DPP4: variants seen among roughly 807,000 people sequenced by gnomAD.
DPP4 encodes the protein ADCP-2.
A neutral mutation model predicts 122.4 loss-of-function variants in DPP4; 93 were observed. The observed-to-expected ratio is 0.76, with a 90% CI of 0.64 to 0.90. The LOEUF (loss-of-function observed/expected upper bound fraction) is 0.90, where lower values mean the gene tolerates loss of function less well. Among genes scored for constraint, DPP4 ranks in the 40% least tolerant of loss-of-function variants. The probability of loss-of-function intolerance (pLI) is 0.00; values close to 1 mark genes in which losing one functional copy is unlikely to be tolerated. For synonymous variants in DPP4, 321 were observed against 302.9 expected (o/e 1.06, Z -0.62); for missense variants, 914 against 907.3 (o/e 1.01, Z -0.09).
intron 16 of DPP4, 62 bp downstream of exon 16, chr2:162,018,667 G>A: frequency 1.3e-6 from 2 of 1,573,868 alleles, no homozygotes; most frequent in Non-Finnish European, 1.7e-6. Flanking sequence ...AGGAATAGAG[G>A]GAGCTGCTTC....
chr2:162,053,215 T>C (rs868731497), intron 2 of DPP4, among the ~76,000 whole-genome samples: 8 of 152,114 alleles, frequency 5.3e-5, no homozygotes, highest in Non-Finnish European at 7.4e-5. Context: ...AGGAGATTAG[T>C]ATGGAGAATA....
In DPP4 at chr2:162,045,585, A is replaced by C; in HGVS notation, c.313T>G (p.Tyr105Asp). The stretch of plus-strand genomic sequence containing the variant: ...AACTGCCCATCAGGAGATATTGAAT[A>C]ATCATTGATAGAATGTCCAAACTCA... The part of the protein sequence containing the change: ...FDEFGHSIND[Y>D]SISPDGQFIL... The change falls in exon 5 of 26, where the codon TAT becomes GAT. Residue 105 changes from tyrosine (Y) to aspartate (D), a missense_variant. Physicochemically the swap from Tyr to Asp is radical, Grantham distance 160. Transcript: ENST00000360534. The C allele has an allele frequency of 1.9e-6, 3 of 1,612,894 alleles. No homozygotes were observed. Among genetic ancestry groups the C allele is most frequent in the Non-Finnish European group, 2.5e-6 (3 of 1,179,086 alleles).
intron 17 of DPP4, 56 bp downstream of exon 17, chr2:162,017,052 G>A: frequency 6.4e-7 from 1 of 1,561,768 alleles, no homozygotes; most frequent in Non-Finnish European, 8.8e-7. Context: ...GTACATGTTA[G>A]ACTTATGCAA....
intron 2 of DPP4, among the ~76,000 whole-genome samples, chr2:162,053,205 A>G (rs1000460645): frequency 2.6e-5 from 4 of 152,210 alleles, no homozygotes; most frequent in Admixed American, 2.6e-4. Context: ...AAGTTTAATA[A>G]GGAGATTAGT....
intron 2 of DPP4, 95 bp downstream of exon 2, chr2:162,073,304 A>G (rs1685182173): frequency 2.3e-6 from 3 of 1,300,968 alleles, no homozygotes; most frequent in Admixed American, 3.6e-5. Context: ...CACTGGTCCA[A>G]CCCCACGCAA....
chr2:162,063,506 G>A (rs1390623994), intron 2 of DPP4, among the ~76,000 whole-genome samples: 1 of 152,034 alleles, frequency 6.6e-6, no homozygotes. Flanking sequence ...TACCTAAGGA[G>A]GCTGGGAAAG....
rs1682954511 is a variant in DPP4 at position 162,017,134 on chromosome 2, G to A, written c.1442C>T (p.Thr481Ile). 1 of 1,612,240 alleles carries A rather than the reference G, an allele frequency of 6.2e-7. No homozygotes were observed. The highest frequency in any genetic ancestry group is 8.5e-7 in the Non-Finnish European group (1 of 1,179,816). Reference sequence around the variant, plus strand: ...TTTATCATTCACGCTGCTGTGTAGAGTATAGAGGGGCAGACCAGGACCTGT... The same window carrying A: ...TTTATCATTCACGCTGCTGTGTAGAATATAGAGGGGCAGACCAGGACCTGT... Reference protein sequence around the residue: ...RCSGPGLPLYTLHSSVNDKGL... With the variant: ...RCSGPGLPLYILHSSVNDKGL... Residue 481 changes from threonine (T) to isoleucine (I), a missense_variant, in exon 17 of 26, where the codon ACT becomes ATT. Coordinates refer to ENST00000360534, the MANE Select transcript of DPP4 (RefSeq NM_001935.4).
rs992061835 is a variant in DPP4, at chr2:161,992,293, T to C, written c.*990A>G. ...TATTAAATGACTGGGAGAAATTCCA[T>C]AGTATGTAGAATGGGAATAATAATA... On this transcript the variant is annotated 3_prime_UTR_variant, in exon 26 of 26. Coordinates refer to ENST00000360534, the MANE Select transcript of DPP4 (RefSeq NM_001935.4). 1.3e-5 allele frequency: 2 copies of C among 152,226 alleles called. No individual in the cohort carries two copies. Among genetic ancestry groups the C allele is most frequent in the South Asian group, 2.1e-4 (1 of 4,832 alleles). 9.4% of individuals were successfully genotyped at this position (152,226 alleles called of 1,614,324 possible). A position where few individuals can be genotyped will look rare whatever the true frequency, so the allele number is the denominator to read the frequency against.
intron 25 of DPP4, 89 bp from the exon 26 acceptor site, chr2:161,993,473 G>T: frequency 1.1e-6 from 1 of 906,240 alleles, no homozygotes; most frequent in Non-Finnish European, 1.8e-6. Context: ...GCTCTCACGA[G>T]CATACATGGT....
In DPP4 at chr2:162,041,811, G is replaced by T. The variant is rs533525296; in HGVS notation, c.367-2627C>A. On this transcript the variant is annotated intron_variant, in intron 5 of 25. Coordinates refer to ENST00000360534, the MANE Select transcript of DPP4 (RefSeq NM_001935.4). ...TTATTCTATTTAGTTTATAAACACT[G>T]GCAGCTATCATCTATCAGACATTAC... is the stretch of plus-strand genomic sequence containing the variant. 2.0e-5 allele frequency among the ~76,000 whole-genome samples: 3 copies of T among 152,266 alleles called. No individual in the cohort carries two copies. The South Asian group carries it at 6.2e-4, about 32-fold the overall frequency.
intron 19 of DPP4, 93 bp from the exon 20 acceptor site, chr2:162,012,080 C>A: frequency 7.7e-7 from 1 of 1,291,440 alleles, no homozygotes; most frequent in South Asian, 1.4e-5. Context: ...AGTATGCATC[C>A]TTCCCAATCA....
chr2:162,052,520 T>C (rs1339205417), intron 2 of DPP4, among the ~76,000 whole-genome samples: 2 of 152,072 alleles, frequency 1.3e-5, no homozygotes, highest in African/African-American at 4.8e-5. Context: ...GAGAAATACA[T>C]TTCTGTTCTT....
chr2:162,029,362 C>T (rs1431467270), intron 10 of DPP4, among the ~76,000 whole-genome samples: 1 of 152,202 alleles, frequency 6.6e-6, no homozygotes, highest in Non-Finnish European at 1.5e-5. Flanking sequence ...TTCAGTGAAT[C>T]ACCCGAGGAA....
chr2:162,011,926 G>C lies in DPP4; in HGVS notation c.1699C>G (p.Leu567Val), dbSNP rs762689872. 2 of 1,613,746 alleles carry C rather than the reference G, an allele frequency of 1.2e-6. No individual in the cohort carries two copies. Among genetic ancestry groups the C allele is most frequent in the South Asian group, 1.1e-5 (1 of 91,060 alleles). The stretch of plus-strand genomic sequence containing the variant: ...ACTATAATGTTTTCTGTGCTTGCAA[G>C]GTAAGTGGCCCAGTTCAGTCTGAAG... ...TVFRLNWATY[L>V]ASTENIIVAS... Residue 567 changes from leucine (L) to valine (V), a missense_variant, in exon 20 of 26, where the codon CTT becomes GTT. By Grantham distance (32) the Leu-to-Val change is conservative. Coordinates refer to ENST00000360534, the MANE Select transcript of DPP4 (RefSeq NM_001935.4).
Position 162,018,811 on chromosome 2 carries a change from A to G in DPP4, c.1338T>C (p.Ser446=), listed in dbSNP as rs1208124888. ...GACACCTTTCCGGATTCAGCTCACA[A>G]CTGAGGCATGTCACTTTTGTATAGT... ...LSDYTKVTCL[S]CELNPERCQY... The change falls in exon 16 of 26, where the codon AGT becomes AGC. Residue 446 remains serine (S), a synonymous_variant. Transcript: ENST00000360534. 6.2e-7 allele frequency: 1 copy of G among 1,614,084 alleles called. No homozygotes were observed. The highest frequency in any genetic ancestry group is 1.7e-5 in the Admixed American group (1 of 60,006).
At chr2:162,011,386 A>C (rs1682702666) in intron 20 of DPP4, among the ~76,000 whole-genome samples, 1 of 152,152 alleles carries the variant, frequency 6.6e-6, no homozygotes, top group African/African-American at 2.4e-5. Flanking sequence ...TATGACGTAA[A>C]TGTACACTGA....
chr2:162,023,480 C>T (rs577494176), intron 11 of DPP4, among the ~76,000 whole-genome samples: 1 of 152,314 alleles, frequency 6.6e-6, no homozygotes, highest in Admixed American at 6.5e-5. Flanking sequence ...CTACACCTCT[C>T]CCCCAGTCCC....
intron 5 of DPP4, among the ~76,000 whole-genome samples, chr2:162,040,314 T>C (rs1437482692): frequency 1.3e-5 from 2 of 152,126 alleles, no homozygotes; most frequent in Non-Finnish European, 2.9e-5. Flanking sequence ...TAAGATGTCA[T>C]TCAACAGGTG....
At chr2:162,016,238 C>T (rs1332306425) in intron 18 of DPP4, among the ~76,000 whole-genome samples, 1 of 152,124 alleles carries the variant, frequency 6.6e-6, no homozygotes, top group Non-Finnish European at 1.5e-5. Context: ...ATTTTCTACT[C>T]AAAGAAACCC....
Sources: gnomAD v4.1 joint callset for allele counts (sites outside exome capture counted in the v4.1 genomes callset) on GRCh38, gnomAD v4.1.1 for gene constraint, MANE v1.5 for transcripts, NCBI Gene and HGNC (gene_info 2026-07-23, HGNC 2026-07-21) for gene names.